DIAPH3: variants seen among roughly 807,000 people sequenced by gnomAD.
The protein encoded by DIAPH3 is diaphanous related formin 3.
DIAPH3 carries 117 observed loss-of-function variants against 144.3 expected under a neutral mutation model. The ratio of observed to expected loss-of-function variants is 0.81; its 90% CI spans 0.70 to 0.95. The LOEUF (loss-of-function observed/expected upper bound fraction) is 0.95. Among genes scored for constraint, DIAPH3 ranks in the 40% least tolerant of loss-of-function variants. The pLI, the probability that DIAPH3 is intolerant of heterozygous loss-of-function variation, is 0.00. For missense variants in DIAPH3, 1,421 were observed against 1,412.7 expected, an observed-to-expected ratio of 1.01 and a Z score of -0.09; for synonymous variants, 519 against 488.9, an observed-to-expected ratio of 1.06 and a Z score of -0.81.
chr13:59,764,566 T>C (rs905990232), intron 27 of DIAPH3, among the ~76,000 whole-genome samples: 3 of 149,454 alleles, frequency 2.0e-5, no homozygotes, highest in Non-Finnish European at 4.4e-5. Context: ...TTTGCAGATG[T>C]TATCAGGTAA....
chr13:60,047,687 G>A (rs1156736960), intron 4 of DIAPH3, among the ~76,000 whole-genome samples: 1 of 151,962 alleles, frequency 6.6e-6, no homozygotes, highest in Non-Finnish European at 1.5e-5. Flanking sequence ...GAAGAAAACA[G>A]GTAAAAATCC....
At chr13:59,981,283 A>C (rs1447105445) in intron 13 of DIAPH3, among the ~76,000 whole-genome samples, 2 of 151,482 alleles carry the variant, frequency 1.3e-5, no homozygotes, top group South Asian at 2.1e-4. Flanking sequence ...ATTATTCCCT[A>C]ACAATATGAA....
At chr13:59,865,875 A>G (rs142882771) in intron 21 of DIAPH3, among the ~76,000 whole-genome samples, 56 of 152,158 alleles carry the variant, frequency 3.7e-4, no homozygotes, top group African/African-American at 1.3e-3. Flanking sequence ...CATCTTCGTG[A>G]TCTTCAGAAG....
In DIAPH3 at chr13:60,105,409, A is replaced by C. The variant is rs932736669; in HGVS notation, c.390+6601T>G. Among the ~76,000 whole-genome samples, 3 of 152,156 alleles carry C rather than the reference A, an allele frequency of 2.0e-5. 1 individual carries two copies. The highest frequency in any genetic ancestry group is 6.3e-3 in the Middle Eastern group (2 of 316). The stretch of plus-strand genomic sequence containing the variant: ...TAAAATTCCTCCCTCTAACCATTTT[A>C]TTGGTGCTACAAAATCCCACCAGGC... On this transcript the variant is annotated intron_variant, in intron 3 of 27. Coordinates refer to ENST00000400324, the MANE Select transcript of DIAPH3 (RefSeq NM_001042517.2).
At chr13:59,710,719 T>C (rs1410927374) in intron 27 of DIAPH3, among the ~76,000 whole-genome samples, 1 of 152,204 alleles carries the variant, frequency 6.6e-6, no homozygotes. Flanking sequence ...CCTAGCAGAG[T>C]ATCAGGCCTT....
intron 9 of DIAPH3, among the ~76,000 whole-genome samples, chr13:59,994,145 A>T (rs2052033106): frequency 1.3e-5 from 2 of 151,976 alleles, no homozygotes; most frequent in African/African-American, 4.8e-5. Context: ...AAAAAATAGG[A>T]AATTAAATTG....
At chr13:60,104,153 T>G (rs940907890) in intron 3 of DIAPH3, among the ~76,000 whole-genome samples, 2 of 152,192 alleles carry the variant, frequency 1.3e-5, no homozygotes, top group African/African-American at 2.4e-5. Context: ...TTACTACTTT[T>G]CTATATTCAA....
intron 2 of DIAPH3, among the ~76,000 whole-genome samples, chr13:60,113,309 A>G (rs1034916739): frequency 6.6e-6 from 1 of 152,260 alleles, no homozygotes; most frequent in Admixed American, 6.5e-5. Flanking sequence ...GAGCTGGTAT[A>G]GCCATTAAAA....
Position 60,050,730 on chromosome 13 carries a change from A to T in DIAPH3, c.496-7910T>A, listed in dbSNP as rs563628180. ...TTTATTCTGAGTGGGATGGATAAGTATTGGAGAGTTCTGAGCATAGAAAGT... is the reference window on the plus strand; with the variant it reads ...TTTATTCTGAGTGGGATGGATAAGTTTTGGAGAGTTCTGAGCATAGAAAGT... On this transcript the variant is annotated intron_variant, in intron 4 of 27. Transcript: ENST00000400324. Among the ~76,000 whole-genome samples the T allele has an allele frequency of 3.9e-5, 6 of 152,310 alleles. No individual in the cohort carries two copies. The East Asian group carries it at 1.2e-3, about 29-fold the overall frequency.
chr13:59,956,089 G>A (rs936980786), intron 17 of DIAPH3, among the ~76,000 whole-genome samples: 34 of 152,184 alleles, frequency 2.2e-4, no homozygotes, highest in Non-Finnish European at 2.5e-4. Context: ...GGGAAGTAGA[G>A]CATAGAAGTT....
chr13:59,937,134 G>C lies in DIAPH3; in HGVS notation c.2075-12264C>G, dbSNP rs556598296. ...GCTGAGATTGCACCACTGCACTCCA[G>C]CCTGGGCAACAGAGCAAGACTCCAT... On this transcript the variant is annotated intron_variant, in intron 17 of 27. Transcript: ENST00000400324. 3.0e-4 allele frequency among the ~76,000 whole-genome samples: 46 copies of C among 151,242 alleles called. No homozygotes were observed. In the Middle Eastern group the frequency reaches 0.01, roughly 34 times the overall value.
At chr13:59,936,612 G>C (rs1314798994) in intron 17 of DIAPH3, among the ~76,000 whole-genome samples, 1 of 152,124 alleles carries the variant, frequency 6.6e-6, no homozygotes, top group Non-Finnish European at 1.5e-5. Flanking sequence ...AGCTCTGACT[G>C]AATAGATCTA....
At chr13:59,729,828 T>TTTTTTG (rs1192781161) in intron 27 of DIAPH3, among the ~76,000 whole-genome samples, 1 of 149,340 alleles carries the variant, frequency 6.7e-6, no homozygotes. Context: ...TTTTTTTTTT[T>TTTTTTG]TGAGATAGGG....
chr13:59,856,539 G>T (rs1420700549), intron 22 of DIAPH3, among the ~76,000 whole-genome samples: 1 of 152,096 alleles, frequency 6.6e-6, no homozygotes. Flanking sequence ...TCTTCACATG[G>T]TCTATCCTCT....
At chr13:59,901,547 A>G (rs1675858954) in intron 20 of DIAPH3, among the ~76,000 whole-genome samples, 1 of 152,218 alleles carries the variant, frequency 6.6e-6, no homozygotes, top group African/African-American at 2.4e-5. Context: ...ACTATCTGAT[A>G]TTACATTATT....
At chr13:59,994,668 A>C (rs1018173253) in intron 9 of DIAPH3, among the ~76,000 whole-genome samples, 1 of 151,934 alleles carries the variant, frequency 6.6e-6, no homozygotes, top group Non-Finnish European at 1.5e-5. Context: ...TGGCCTGATG[A>C]AGAAGTGAAG....
chr13:60,142,005 G>A (rs1167353700), intron 1 of DIAPH3, among the ~76,000 whole-genome samples: 1 of 152,158 alleles, frequency 6.6e-6, no homozygotes, highest in East Asian at 1.9e-4. Flanking sequence ...GCTGTCAGGA[G>A]GAGTATGCCT....
intron 25 of DIAPH3, among the ~76,000 whole-genome samples, chr13:59,786,692 A>G (rs1049612350): frequency 2.0e-5 from 3 of 152,238 alleles, no homozygotes; most frequent in Admixed American, 6.5e-5. Flanking sequence ...ACTTCAGTAC[A>G]TAAGACAGCA....
At chr13:59,737,709 A>G (rs976792244) in intron 27 of DIAPH3, among the ~76,000 whole-genome samples, 2 of 152,198 alleles carry the variant, frequency 1.3e-5, no homozygotes, top group African/African-American at 4.8e-5. Context: ...GTAAAAGTGG[A>G]TTTACCTCAA....
Sources: gnomAD v4.1 joint callset for allele counts (sites outside exome capture counted in the v4.1 genomes callset) on GRCh38, gnomAD v4.1.1 for gene constraint, MANE v1.5 for transcripts, NCBI Gene and HGNC (gene_info 2026-07-23, HGNC 2026-07-21) for gene names.